Variants in RC3H2 observed in about 807,000 individuals in gnomAD.
The protein encoded by RC3H2 is ring finger and CCCH-type domains 2.
Under a neutral mutation model 133.3 loss-of-function variants are expected in RC3H2, and 31 were observed. The ratio of observed to expected loss-of-function variants is 0.23; its 90% CI spans 0.17 to 0.31. RC3H2 has a LOEUF of 0.31. Ranked by LOEUF, RC3H2 falls within the 10% of genes least tolerant of loss-of-function variation. The pLI, the probability that RC3H2 is intolerant of heterozygous loss-of-function variation, is 1.00. For synonymous variants in RC3H2, 517 were observed against 502.2 expected (o/e 1.03, Z -0.40); for missense variants, 1,175 against 1,437.2 (o/e 0.82, Z 2.95).
chr9:122,884,462 A>G (rs912766367), intron 4 of RC3H2, among the ~76,000 whole-genome samples: 15 of 152,204 alleles, frequency 9.9e-5, no homozygotes, highest in Non-Finnish European at 2.2e-4. Flanking sequence ...GCAAAACCCA[A>G]AGAAGGTATT....
intron 3 of RC3H2, among the ~76,000 whole-genome samples, 169 bp downstream of exon 3, chr9:122,892,740 T>A (rs1199594846): frequency 1.3e-5 from 2 of 152,074 alleles, no homozygotes; most frequent in Non-Finnish European, 2.9e-5. Context: ...ACAATATTGG[T>A]TATTTTCAGA....
At chr9:122,875,269 A>G (rs1286548803) in intron 9 of RC3H2, 3 of 1,550,902 alleles carry the variant, frequency 1.9e-6, no homozygotes, top group East Asian at 2.4e-5. Flanking sequence ...TCTTCTCTCT[A>G]TCACAATGCT....
chr9:122,890,459 C>T lies in RC3H2; in HGVS notation c.436G>A (p.Glu146Lys). The change falls in exon 4 of 21, where the codon GAA (glutamate) becomes AAA (lysine). Residue 146 changes from glutamate to lysine, a missense_variant. Physicochemically the swap from Glu to Lys is moderately conservative, Grantham distance 56. Transcript: ENST00000357244. ...TLVNCQLVEE[E>K]GRVRAMRAAR... ...GCTCGCATGGCTCTTACACGACCTT[C>T]TTCCTCCACCAGTTGACAGTTTACA... 1 of 1,614,226 alleles carries T rather than the reference C, an allele frequency of 6.2e-7. No individual in the cohort carries two copies. Among genetic ancestry groups the T allele is most frequent in the Non-Finnish European group, 8.5e-7 (1 of 1,180,040 alleles).
At position 122,851,090 on chromosome 9, in the gene RC3H2, T is replaced by A. The variant is rs769160437; in HGVS notation, c.3371A>T (p.His1124Leu). 2 of 1,614,030 alleles carry A rather than the reference T, an allele frequency of 1.2e-6. No individual in the cohort carries two copies. Residue 1124 changes from histidine to leucine, a missense_variant, in exon 20 of 21, where the codon CAT becomes CTT. His to Leu is a moderately conservative substitution (Grantham distance 99). Transcript: ENST00000357244. The stretch of plus-strand genomic sequence containing the variant: ...TCTGTCTAACACTCACAGAATCACA[T>A]GGTCTTCACCTAAACTCTGTTTCTT... ...KQKKQSLGED[H>L]VILEEQKTIL...
Position 122,905,359 on chromosome 9 carries a change from T to A in RC3H2, c.-317A>T. Reference sequence around the variant, plus strand: ...CACCACGGAGGCGGACCTGGAGGGATCCCGATCTAGCTCTCGCGAGAAGTT... The same window carrying A: ...CACCACGGAGGCGGACCTGGAGGGAACCCGATCTAGCTCTCGCGAGAAGTT... On this transcript the variant is annotated 5_prime_UTR_variant, in exon 1 of 21. Transcript: ENST00000357244. 1.1e-6 allele frequency: 1 copy of A among 914,918 alleles called. No homozygotes were observed. The highest frequency in any genetic ancestry group is 5.0e-5 in the South Asian group (1 of 19,946). The allele number at this position is 914,918 out of a possible 1,614,324, so 56.7% of individuals were successfully genotyped here. A position where few individuals can be genotyped will look rare whatever the true frequency, so the allele number is the denominator to read the frequency against.
At chr9:122,855,991 T>A in intron 13 of RC3H2, 113 bp from the exon 14 acceptor site, 1 of 743,150 alleles carries the variant, frequency 1.3e-6, no homozygotes, top group Non-Finnish European at 2.0e-6. Context: ...CAAACAATTA[T>A]ACTTTTTCAA....
At chr9:122,896,033 G>A (rs1479123796) in intron 2 of RC3H2, among the ~76,000 whole-genome samples, 1 of 150,316 alleles carries the variant, frequency 6.7e-6, no homozygotes, top group African/African-American at 2.5e-5. Flanking sequence ...ATAGCTCAGA[G>A]GTGTCTTTTG....
intron 2 of RC3H2, among the ~76,000 whole-genome samples, 185 bp downstream of exon 2, chr9:122,897,094 A>C (rs1248342029): frequency 6.6e-6 from 1 of 152,020 alleles, no homozygotes; most frequent in African/African-American, 2.4e-5. Context: ...TGATGAGCTA[A>C]AAACATAAAC....
At chr9:122,857,824 TGC>T (rs1830303140) in intron 13 of RC3H2, 97 bp downstream of exon 13, 15 of 802,276 alleles carry the variant, frequency 1.9e-5, no homozygotes, top group Non-Finnish European at 2.7e-5. Flanking sequence ...ACCAAACCAC[TGC>T]AAATATCCAA....
At chr9:122,860,863 T>C (rs1830430057) in intron 10 of RC3H2, among the ~76,000 whole-genome samples, 1 of 152,164 alleles carries the variant, frequency 6.6e-6, no homozygotes, top group Non-Finnish European at 1.5e-5. Context: ...AAAAGAGTTG[T>C]TTTCTATGAG....
At chr9:122,884,805 A>C (rs1013867819) in intron 4 of RC3H2, among the ~76,000 whole-genome samples, 7 of 151,654 alleles carry the variant, frequency 4.6e-5, no homozygotes, top group Admixed American at 1.3e-4. Context: ...GTGAGCCGAG[A>C]TTACGCCACT....
chr9:122,902,953 A>C (rs1188964317), intron 1 of RC3H2, among the ~76,000 whole-genome samples: 1 of 152,196 alleles, frequency 6.6e-6, no homozygotes, highest in Non-Finnish European at 1.5e-5. Context: ...GTCAATATTA[A>C]AATTACTGAG....
intron 9 of RC3H2, among the ~76,000 whole-genome samples, chr9:122,870,435 G>A (rs1380335417): frequency 6.6e-6 from 1 of 150,648 alleles, no homozygotes; most frequent in Non-Finnish European, 1.5e-5. Flanking sequence ...AACAAACTGA[G>A]ATAATCCACA....
Position 122,858,670 on chromosome 9 carries a change from C to A in RC3H2, c.2282G>T (p.Arg761Met). 1 of 1,605,494 alleles carries A rather than the reference C, an allele frequency of 6.2e-7. No individual in the cohort carries two copies. The highest frequency in any genetic ancestry group is 1.1e-5 in the South Asian group (1 of 90,944). The change falls in exon 12 of 21, where the codon AGG (arginine) becomes ATG (methionine). Residue 761 changes from arginine (R) to methionine (M), a missense_variant and splice_region_variant. Around this residue, in one of 8 missense-constraint regions of RC3H2, gnomAD observed 490 missense variants for 492.8 expected, o/e 0.99. Coordinates refer to ENST00000357244, the MANE Select transcript of RC3H2 (RefSeq NM_001100588.3). Reference protein sequence around the residue: ...SEPRTTVPLPREPCGHLKTSC... With the variant: ...SEPRTTVPLPMEPCGHLKTSC... Reference sequence around the variant, plus strand: ...CATTATAGTAGCATCTTCACTTACCCTTGGTAAAGGCACAGTTGTCCTTGG... The same window carrying A: ...CATTATAGTAGCATCTTCACTTACCATTGGTAAAGGCACAGTTGTCCTTGG...
chr9:122,886,353 C>G (rs1311641652), intron 4 of RC3H2, among the ~76,000 whole-genome samples: 1 of 152,122 alleles, frequency 6.6e-6, no homozygotes, highest in Non-Finnish European at 1.5e-5. Flanking sequence ...GTGAATAACG[C>G]TGCAATAAAC....
chr9:122,879,996 G>A lies in RC3H2; in HGVS notation c.1090C>T (p.Pro364Ser), dbSNP rs1831542416. The change falls in exon 7 of 21, where the codon CCA (proline) becomes TCA (serine). Residue 364 changes from proline to serine, a missense_variant. Pro to Ser is a moderately conservative substitution (Grantham distance 74). This residue lies in a region of RC3H2 where 131 missense variants were observed against 154.2 expected (regional missense o/e 0.85). Coordinates refer to ENST00000357244, the MANE Select transcript of RC3H2 (RefSeq NM_001100588.3). ...LELLANIDPN[P>S]DAVSPTWEQL... Reference sequence around the variant, plus strand: ...AACTGAGCATATTCCCACATACCTGGATTAGGGTCTATGTTTGCAAGAAGC... The same window carrying A: ...AACTGAGCATATTCCCACATACCTGAATTAGGGTCTATGTTTGCAAGAAGC... 1 of 1,613,988 alleles carries A rather than the reference G, an allele frequency of 6.2e-7. No homozygotes were observed. Among genetic ancestry groups the A allele is most frequent in the South Asian group, 1.1e-5 (1 of 91,072 alleles).
chr9:122,850,530 C>A (rs927931862), intron 20 of RC3H2, among the ~76,000 whole-genome samples: 17 of 151,878 alleles, frequency 1.1e-4, no homozygotes, highest in Non-Finnish European at 2.1e-4. Context: ...ACTGTCTCCG[C>A]CTCCCGGGTT....
At chr9:122,865,697 TA>T (rs745714426) in intron 9 of RC3H2, 40 bp from the exon 10 acceptor site, 1 of 1,560,826 alleles carries the variant, frequency 6.4e-7, no homozygotes, top group South Asian at 1.1e-5. Context: ...AATATTTCAC[TA>T]AATCTTACTC....
chr9:122,884,815 T>C (rs1831830179), intron 4 of RC3H2, among the ~76,000 whole-genome samples: 1 of 148,666 alleles, frequency 6.7e-6, no homozygotes, highest in Admixed American at 6.8e-5. Flanking sequence ...ATTACGCCAC[T>C]GCACTCCAGC....
Sources: allele counts gnomAD v4.1 joint callset (sites outside exome capture counted in the v4.1 genomes callset), GRCh38; gene constraint gnomAD v4.1.1; regional missense constraint gnomAD v4.1.1; transcripts MANE v1.5; gene names NCBI Gene and HGNC (gene_info 2026-07-23, HGNC 2026-07-21).